CERS6: variants seen among roughly 807,000 people sequenced by gnomAD.
CERS6 encodes the protein LAG1 homolog, ceramide synthase 6.
Under a neutral mutation model 56.8 loss-of-function variants are expected in CERS6, and 26 were observed. The observed-to-expected ratio is 0.46, with a 90% CI of 0.34 to 0.63. The LOEUF (loss-of-function observed/expected upper bound fraction) is 0.63. Ranked by LOEUF, CERS6 falls within the 30% of genes least tolerant of loss-of-function variation. CERS6 has a pLI of 0.01. For missense variants in CERS6, 415 were observed against 467.5 expected (o/e 0.89, Z 1.04); for synonymous variants, 164 against 173.3 (o/e 0.95, Z 0.42).
At chr2:168,656,325 G>A (rs1210624490) in intron 4 of CERS6, among the ~76,000 whole-genome samples, 2 of 152,212 alleles carry the variant, frequency 1.3e-5, no homozygotes, top group African/African-American at 2.4e-5. Context: ...TTTAACTGAT[G>A]TGGTATGTGA....
intron 3 of CERS6, among the ~76,000 whole-genome samples, chr2:168,603,155 C>T (rs1683974185): frequency 6.6e-6 from 1 of 152,150 alleles, no homozygotes; most frequent in African/African-American, 2.4e-5. Flanking sequence ...GTTTGTAGCA[C>T]CATGATATTT....
Position 168,478,989 on chromosome 2 carries a change from A to T in CERS6, c.170+22371A>T, listed in dbSNP as rs1574009900. Among the ~76,000 whole-genome samples the T allele has an allele frequency of 2.0e-5, 3 of 152,178 alleles. No homozygotes were observed. In the East Asian group the frequency reaches 5.8e-4, roughly 29 times the overall value. On this transcript the variant is annotated intron_variant, in intron 1 of 9. Transcript: ENST00000305747. ...TGGTGTGAGAGATGAGAACTTCGTT[A>T]ATTTTGGTGTCAGAAATGGGAACTC...
At chr2:168,547,571 A>T in intron 1 of CERS6, 25 bp from the exon 2 acceptor site, 4 of 1,462,772 alleles carry the variant, frequency 2.7e-6, no homozygotes, top group Non-Finnish European at 3.8e-6. Flanking sequence ...CTGACCTTCT[A>T]CTTTTTTCTT....
At chr2:168,603,606 CA>C (rs2105265376) in intron 3 of CERS6, among the ~76,000 whole-genome samples, 1 of 152,314 alleles carries the variant, frequency 6.6e-6, no homozygotes, top group East Asian at 1.9e-4. Flanking sequence ...GCAGGCATTC[CA>C]ATGCTCTTTT....
intron 6 of CERS6, among the ~76,000 whole-genome samples, chr2:168,713,527 C>CA (rs1216489423): frequency 1.3e-5 from 2 of 152,120 alleles, no homozygotes; most frequent in Non-Finnish European, 2.9e-5. Context: ...TTCCATATCA[C>CA]AACAAACCAT....
chr2:168,493,448 G>A (rs1694409584), intron 1 of CERS6, among the ~76,000 whole-genome samples: 4 of 152,184 alleles, frequency 2.6e-5, no homozygotes, highest in Admixed American at 2.6e-4. Context: ...AAACACGGAA[G>A]CTGAGGCAGT....
At chr2:168,567,850 C>G (rs1238538360) in intron 3 of CERS6, among the ~76,000 whole-genome samples, 2 of 152,212 alleles carry the variant, frequency 1.3e-5, no homozygotes, top group Non-Finnish European at 2.9e-5. Context: ...TTAGCCTAGC[C>G]AGGCACTCTT....
At chr2:168,635,292 G>A (rs1288614712) in intron 4 of CERS6, among the ~76,000 whole-genome samples, 1 of 152,202 alleles carries the variant, frequency 6.6e-6, no homozygotes, top group African/African-American at 2.4e-5. Flanking sequence ...GAGGGAGCAT[G>A]AGGGGCTTGG....
chr2:168,654,085 C>T (rs1187012499), intron 4 of CERS6, among the ~76,000 whole-genome samples: 2 of 152,160 alleles, frequency 1.3e-5, no homozygotes, highest in African/African-American at 4.8e-5. Flanking sequence ...AATCAAAAGA[C>T]ATCAGCACCT....
At chr2:168,522,877 A>G (rs1185863458) in intron 1 of CERS6, among the ~76,000 whole-genome samples, 1 of 152,172 alleles carries the variant, frequency 6.6e-6, no homozygotes, top group East Asian at 1.9e-4. Context: ...GGGAGAGAAA[A>G]TGGTGGCAAT....
At chr2:168,478,874 ATTTAC>A (rs1328002118) in intron 1 of CERS6, among the ~76,000 whole-genome samples, 14 of 152,158 alleles carry the variant, frequency 9.2e-5, no homozygotes, top group African/African-American at 3.4e-4. Context: ...AGATAAAAAC[ATTTAC>A]TTTATTTATT....
chr2:168,531,316 T>G (rs534415643), intron 1 of CERS6, among the ~76,000 whole-genome samples: 2 of 152,346 alleles, frequency 1.3e-5, no homozygotes, highest in Non-Finnish European at 2.9e-5. Context: ...AAAACAACTT[T>G]TTATTTTGAA....
rs1402638446 is a variant in CERS6 at position 168,772,591 on chromosome 2, CCT to C, written c.*2932_*2933del. 6.6e-6 allele frequency: 1 copy of C among 152,638 alleles called. No individual in the cohort carries two copies. Among genetic ancestry groups the C allele is most frequent in the East Asian group, 1.9e-4 (1 of 5,188 alleles). 9.5% of individuals were successfully genotyped at this position (152,638 alleles called of 1,614,324 possible). On this transcript the variant is annotated 3_prime_UTR_variant, in exon 10 of 10. Coordinates refer to ENST00000305747, the MANE Select transcript of CERS6 (RefSeq NM_203463.3). ...CCTGAAGGTGGTAGAATCTTTTCAG[CCT>C]CTTAGCCAGTGAGCTAAATATGGCT...
At chr2:168,753,668 A>G (rs1480973443) in intron 8 of CERS6, among the ~76,000 whole-genome samples, 1 of 152,188 alleles carries the variant, frequency 6.6e-6, no homozygotes, top group East Asian at 1.9e-4. Context: ...CAGGCCTAGG[A>G]TACATTTTTC....
At chr2:168,498,438 A>G (rs1028141121) in intron 1 of CERS6, among the ~76,000 whole-genome samples, 1 of 152,132 alleles carries the variant, frequency 6.6e-6, no homozygotes, top group South Asian at 2.1e-4. Context: ...CTGAAAAGCA[A>G]TGCTTCCAAA....
At chr2:168,590,556 AAGTT>A (rs1315209885) in intron 3 of CERS6, among the ~76,000 whole-genome samples, 11 of 152,182 alleles carry the variant, frequency 7.2e-5, no homozygotes, top group Admixed American at 3.3e-4. Context: ...GAGTATATAA[AAGTT>A]AGAGAATTTT....
chr2:168,483,632 T>C (rs1694217236), intron 1 of CERS6, among the ~76,000 whole-genome samples: 1 of 152,218 alleles, frequency 6.6e-6, no homozygotes, highest in Non-Finnish European at 1.5e-5. Flanking sequence ...TCTAATATTA[T>C]GAGCACGAGG....
At chr2:168,515,600 T>C (rs1223506364) in intron 1 of CERS6, among the ~76,000 whole-genome samples, 1 of 152,122 alleles carries the variant, frequency 6.6e-6, no homozygotes, top group Non-Finnish European at 1.5e-5. Context: ...GGCTTTTGTC[T>C]CAGGAGAAAA....
At chr2:168,505,251 A>T (rs1487648900) in intron 1 of CERS6, among the ~76,000 whole-genome samples, 1 of 151,776 alleles carries the variant, frequency 6.6e-6, no homozygotes, top group African/African-American at 2.4e-5. Flanking sequence ...GCATAGTGGC[A>T]TGCATCTGTA....
Sources: allele counts gnomAD v4.1 joint callset (sites outside exome capture counted in the v4.1 genomes callset), GRCh38; gene constraint gnomAD v4.1.1; transcripts MANE v1.5; gene names NCBI Gene and HGNC (gene_info 2026-07-23, HGNC 2026-07-21).